Variants in PPIP5K2 observed in about 807,000 individuals in gnomAD.
PPIP5K2 encodes inositol hexakisphosphate and diphosphoinositol-pentakisphosphate kinase 2.
A neutral mutation model predicts 154.6 loss-of-function variants in PPIP5K2; 105 were observed. The ratio of observed to expected loss-of-function variants is 0.68; its 90% CI spans 0.58 to 0.80. PPIP5K2 has a LOEUF of 0.80. Among genes scored for constraint, PPIP5K2 ranks in the 30% least tolerant of loss-of-function variants. The pLI, the probability that PPIP5K2 is intolerant of heterozygous loss-of-function variation, is 0.00. For missense variants in PPIP5K2, 992 were observed against 1,504.6 expected (o/e 0.66, Z 5.64); for synonymous variants, 480 against 490.3 (o/e 0.98, Z 0.28).
rs1554203296 is a variant in PPIP5K2, at chr5:103,133,543, T to C, written c.205T>C (p.Leu69=). The C allele has an allele frequency of 2.5e-6, 4 of 1,612,916 alleles. No individual in the cohort carries two copies. The highest frequency in any genetic ancestry group is 2.7e-5 in the African/African-American group (2 of 75,006). ...PMKEILERIS[L]FKYITVVVFE... is the part of the protein sequence containing the mutation. ...GAAGGAAATTCTTGAACGGATCTCCTTATTTAAATATATCACAGTAGTAGT... is the reference window on the plus strand; with the variant it reads ...GAAGGAAATTCTTGAACGGATCTCCCTATTTAAATATATCACAGTAGTAGT... Residue 69 remains leucine, a synonymous_variant, in exon 3 of 31, where the codon TTA becomes CTA. Coordinates refer to ENST00000358359, the MANE Select transcript of PPIP5K2 (RefSeq NM_001276277.3).
In PPIP5K2 at chr5:103,156,385, C is replaced by T. The variant is rs1002190110; in HGVS notation, c.1489+391C>T. Among the ~76,000 whole-genome samples, 24 of 152,084 alleles carry T rather than the reference C, an allele frequency of 1.6e-4. 1 individual carries two copies. Among genetic ancestry groups the T allele is most frequent in the Admixed American group, 7.2e-4 (11 of 15,276 alleles). On this transcript the variant is annotated intron_variant, in intron 14 of 30. Coordinates refer to ENST00000358359, the MANE Select transcript of PPIP5K2 (RefSeq NM_001276277.3). ...GACTTTGAAAAAATATACAATTAAC[C>T]TGTTTCTAAAATAAATGGGTATTTT...
intron 1 of PPIP5K2, among the ~76,000 whole-genome samples, chr5:103,127,128 C>A (rs1554200986): frequency 1.3e-5 from 2 of 152,176 alleles, no homozygotes; most frequent in Admixed American, 1.3e-4. Flanking sequence ...ACCTCTAAAA[C>A]AGTATTGTTC....
At chr5:103,142,785 A>AG (rs1445783143) in intron 5 of PPIP5K2, among the ~76,000 whole-genome samples, 1 of 151,780 alleles carries the variant, frequency 6.6e-6, no homozygotes, top group Non-Finnish European at 1.5e-5. Flanking sequence ...CAAAAAAAAA[A>AG]AAAAAATTCA....
chr5:103,173,392 C>A, intron 20 of PPIP5K2, 110 bp downstream of exon 20: 1 of 1,263,088 alleles, frequency 7.9e-7, no homozygotes, highest in Non-Finnish European at 1.1e-6. Flanking sequence ...CATTGGCATA[C>A]TGTGAAAATA....
chr5:103,137,087 A>G (rs1405265291), intron 4 of PPIP5K2, among the ~76,000 whole-genome samples: 1 of 152,198 alleles, frequency 6.6e-6, no homozygotes, highest in Non-Finnish European at 1.5e-5. Flanking sequence ...AGAGCCTACT[A>G]AACCATTCAA....
intron 30 of PPIP5K2, among the ~76,000 whole-genome samples, chr5:103,201,272 C>A (rs1802949380): frequency 6.6e-6 from 1 of 152,178 alleles, no homozygotes; most frequent in Non-Finnish European, 1.5e-5. Flanking sequence ...AAAATATATT[C>A]ATTTCCTAGG....
chr5:103,190,203 T>G (rs1194245807), intron 28 of PPIP5K2, among the ~76,000 whole-genome samples: 1 of 152,040 alleles, frequency 6.6e-6, no homozygotes, highest in Non-Finnish European at 1.5e-5. Context: ...TAGGAACATA[T>G]TTGTATTTGT....
intron 30 of PPIP5K2, among the ~76,000 whole-genome samples, chr5:103,196,745 A>C (rs1802140706): frequency 6.6e-6 from 1 of 152,176 alleles, no homozygotes; most frequent in Non-Finnish European, 1.5e-5. Flanking sequence ...TATATTTGAC[A>C]TTTCAAATGT....
intron 29 of PPIP5K2, among the ~76,000 whole-genome samples, chr5:103,193,085 G>C (rs1554227397): frequency 2.0e-5 from 3 of 151,994 alleles, no homozygotes; most frequent in African/African-American, 2.4e-5. Context: ...TTTCACTTAA[G>C]AACAGCTTTA....
chr5:103,136,821 A>G lies in PPIP5K2; in HGVS notation c.400A>G (p.Arg134Gly). Reference sequence around the variant, plus strand: ...GAATATGCAGTATCTCATACAAGATAGGTGAGTGGTGAAGTTGGCTGAATT... The same window carrying G: ...GAATATGCAGTATCTCATACAAGATGGGTGAGTGGTGAAGTTGGCTGAATT... ...DLNMQYLIQD[R>G]REVYSILQAE... Residue 134 changes from arginine (R) to glycine (G), a missense_variant and splice_region_variant, in exon 4 of 31, where the codon AGG (arginine) becomes GGG (glycine). Arg to Gly is a moderately radical substitution (Grantham distance 125). Coordinates refer to ENST00000358359, the MANE Select transcript of PPIP5K2 (RefSeq NM_001276277.3). 2 of 1,610,928 alleles carry G rather than the reference A, an allele frequency of 1.2e-6. No individual in the cohort carries two copies. The highest frequency in any genetic ancestry group is 1.7e-6 in the Non-Finnish European group (2 of 1,177,162).
intron 25 of PPIP5K2, 79 bp downstream of exon 25, chr5:103,183,486 T>A: frequency 8.3e-7 from 1 of 1,210,170 alleles, no homozygotes. Context: ...GGACATCTAA[T>A]CCCTTGTATT....
rs533320176 is a variant in PPIP5K2 at position 103,201,472 on chromosome 5, T to A, written c.3620-50T>A. The A allele has an allele frequency of 1.3e-4, 139 of 1,098,134 alleles. 3 individuals carry two copies. In the South Asian group the frequency reaches 1.8e-3, roughly 15 times the overall value. The allele number at this position is 1,098,134 out of a possible 1,614,324, so 68.0% of individuals were successfully genotyped here. Reference sequence around the variant, plus strand: ...GCAGTATTATTTGAACTTGGATTGTTTGTGTAAATTTAAGCAATAGTTTTT... The same window carrying A: ...GCAGTATTATTTGAACTTGGATTGTATGTGTAAATTTAAGCAATAGTTTTT... On this transcript the variant is annotated intron_variant, in intron 30 of 30. Transcript: ENST00000358359.
chr5:103,176,497 TATA>T (rs1264700184), intron 21 of PPIP5K2, among the ~76,000 whole-genome samples: 17 of 151,932 alleles, frequency 1.1e-4, no homozygotes, highest in African/African-American at 4.1e-4. Context: ...ACACGGAATG[TATA>T]ATGTCTAAAA....
intron 16 of PPIP5K2, 85 bp downstream of exon 16, chr5:103,158,658 A>G: frequency 8.6e-7 from 1 of 1,162,898 alleles, no homozygotes; most frequent in Non-Finnish European, 1.2e-6. Context: ...GCAGTGGCTT[A>G]CACCTGTAAT....
chr5:103,188,324 G>T (rs1554225800), intron 28 of PPIP5K2, among the ~76,000 whole-genome samples: 1 of 152,016 alleles, frequency 6.6e-6, no homozygotes, highest in African/African-American at 2.4e-5. Flanking sequence ...CTTTTTAACT[G>T]CAAGTAAGTC....
Position 103,168,229 on chromosome 5 carries a change from G to C in PPIP5K2, c.2220G>C (p.Leu740Phe), listed in dbSNP as rs1456355340. 1 of 1,610,016 alleles carries C rather than the reference G, an allele frequency of 6.2e-7. No individual in the cohort carries two copies. The highest frequency in any genetic ancestry group is 8.5e-7 in the Non-Finnish European group (1 of 1,177,256). The change falls in exon 19 of 31, where the codon TTG becomes TTC. Residue 740 changes from leucine to phenylalanine, a missense_variant. This residue lies in a region of PPIP5K2 where 157 missense variants were observed against 281.2 expected (regional missense o/e 0.56). Transcript: ENST00000358359. The stretch of plus-strand genomic sequence containing the variant: ...ATGATGTCCAGCATAATGGTTCCTT[G>C]AAATTAGAAAACACAATGGAATTAT... ...IKYDVQHNGS[L>F]KLENTMELYR...
chr5:103,187,272 T>C, intron 27 of PPIP5K2, 42 bp from the exon 28 acceptor site: 2 of 1,445,188 alleles, frequency 1.4e-6, no homozygotes, highest in Non-Finnish European at 1.9e-6. Flanking sequence ...GTTCTTTTTG[T>C]AGCTGTTACG....
At chr5:103,162,402 A>T (rs1391450383) in intron 17 of PPIP5K2, among the ~76,000 whole-genome samples, 1 of 148,176 alleles carries the variant, frequency 6.7e-6, no homozygotes. Context: ...TTGCTCTGTC[A>T]CCCAGGCGGG....
rs908511389 is a variant in PPIP5K2, at chr5:103,197,096, T to A, written c.3619+2071T>A. ...AAATTTGATTTTGAAGAAATTTGCA[T>A]CTGCGTTTGTGAAAGATAGGATACT... On this transcript the variant is annotated intron_variant, in intron 30 of 30. Coordinates refer to ENST00000358359, the MANE Select transcript of PPIP5K2 (RefSeq NM_001276277.3). Among the ~76,000 whole-genome samples the A allele has an allele frequency of 1.6e-4, 24 of 152,286 alleles. 3 individuals carry two copies. Among genetic ancestry groups the A allele is most frequent in the Admixed American group, 1.2e-3 (19 of 15,286 alleles).
Sources: gnomAD v4.1 joint callset for allele counts (sites outside exome capture counted in the v4.1 genomes callset) on GRCh38, gnomAD v4.1.1 for gene constraint, gnomAD v4.1.1 regional missense constraint, MANE v1.5 for transcripts, NCBI Gene and HGNC (gene_info 2026-07-23, HGNC 2026-07-21) for gene names.